The following ARAP2 variants were observed in gnomAD, a reference collection of about 807,000 sequenced individuals.
ARAP2 encodes ArfGAP with RhoGAP domain, ankyrin repeat and PH domain 2, also known as arf-GAP with Rho-GAP domain, ANK repeat and PH domain-containing protein 2.
Under a neutral mutation model 194.5 loss-of-function variants are expected in ARAP2, and 148 were observed. The ratio of observed to expected loss-of-function variants is 0.76; its 90% confidence interval spans 0.67 to 0.87. The LOEUF (loss-of-function observed/expected upper bound fraction) is 0.87, where lower values mean the gene tolerates loss of function less well. Ranked by LOEUF, ARAP2 falls within the 40% of genes least tolerant of loss-of-function variation. The probability of loss-of-function intolerance (pLI) is 0.00; values close to 1 mark genes in which losing one functional copy is unlikely to be tolerated. For missense variants in ARAP2, 2,128 were observed against 1,989.7 expected, an observed-to-expected ratio of 1.07 and a Z score of -1.32; for synonymous variants, 695 against 683.5, an observed-to-expected ratio of 1.02 and a Z score of -0.26.
chr4:36,188,495 T>C (rs2109896495), intron 7 of ARAP2, among the ~76,000 whole-genome samples: 1 of 152,286 alleles, frequency 6.6e-6, no homozygotes, highest in East Asian at 1.9e-4. Context: ...TAAAAAACCT[T>C]AATTTTAACC....
At chr4:36,084,799 G>A (rs1356186136) in intron 28 of ARAP2, among the ~76,000 whole-genome samples, 1 of 151,894 alleles carries the variant, frequency 6.6e-6, no homozygotes, top group Non-Finnish European at 1.5e-5. Context: ...AATTTACATG[G>A]TGAATTTATT....
At chr4:36,198,572 C>T (rs1743670875) in intron 6 of ARAP2, among the ~76,000 whole-genome samples, 1 of 152,232 alleles carries the variant, frequency 6.6e-6, no homozygotes, top group African/African-American at 2.4e-5. Context: ...TGGCTTTCCT[C>T]CCTCCCATGC....
Position 36,228,740 on chromosome 4 carries a change from T to C in ARAP2, c.747A>G (p.Gln249=), listed in dbSNP as rs761082234. ...GSPPSPFFKF[Q]GEMIVNDLYV... ...ACAAGTCATTTACAATCATTTCTCCTTGAAACTTAAAGAATGGGGATGGTG... is the reference window on the plus strand; with the variant it reads ...ACAAGTCATTTACAATCATTTCTCCCTGAAACTTAAAGAATGGGGATGGTG... Residue 249 remains glutamine (Q), a synonymous_variant, in exon 2 of 33, where the codon CAA becomes CAG. Coordinates refer to ENST00000303965, the MANE Select transcript of ARAP2 (RefSeq NM_015230.4). The C allele has an allele frequency of 1.9e-6, 3 of 1,614,158 alleles. No individual in the cohort carries two copies. The South Asian group carries it at 3.3e-5, about 18-fold the overall frequency.
intron 27 of ARAP2, among the ~76,000 whole-genome samples, chr4:36,102,548 G>T (rs1231994345): frequency 6.6e-6 from 1 of 151,926 alleles, no homozygotes; most frequent in East Asian, 1.9e-4. Flanking sequence ...GCATGCACAA[G>T]AAAAACTAAG....
intron 1 of ARAP2, among the ~76,000 whole-genome samples, chr4:36,236,852 T>TA (rs1175980896): frequency 6.6e-6 from 1 of 152,188 alleles, no homozygotes. Flanking sequence ...AGTACCCAGA[T>TA]AAAAAATTCA....
At chr4:36,112,816 G>C (rs1286696600) in intron 26 of ARAP2, among the ~76,000 whole-genome samples, 4 of 151,846 alleles carry the variant, frequency 2.6e-5, no homozygotes, top group Non-Finnish European at 5.9e-5. Context: ...TTTTAGTCTA[G>C]GTTTTAAAAG....
At chr4:36,157,797 TTA>T (rs139585079) in intron 15 of ARAP2, among the ~76,000 whole-genome samples, 7 of 150,974 alleles carry the variant, frequency 4.6e-5, no homozygotes, top group Admixed American at 6.6e-5. Context: ...TTAGGATATA[TTA>T]TATATATATA....
chr4:36,149,584 C>A (rs1715671387), intron 16 of ARAP2, among the ~76,000 whole-genome samples: 1 of 152,128 alleles, frequency 6.6e-6, no homozygotes, highest in Non-Finnish European at 1.5e-5. Flanking sequence ...GTAATGTTAT[C>A]AAGAATATTT....
chr4:36,159,258 C>A (rs906312923), intron 14 of ARAP2, 73 bp downstream of exon 14: 6 of 1,326,040 alleles, frequency 4.5e-6, no homozygotes, highest in Non-Finnish European at 5.9e-6. Context: ...TTTGAAAAAT[C>A]AATAGATTTA....
intron 5 of ARAP2, among the ~76,000 whole-genome samples, chr4:36,044,822 T>C (rs1377638647): frequency 6.6e-6 from 1 of 151,924 alleles, no homozygotes; most frequent in African/African-American, 2.4e-5. Context: ...AAATTCAAAA[T>C]ATTTAACAAA....
intron 8 of ARAP2, among the ~76,000 whole-genome samples, chr4:36,014,551 A>G (rs1383858495): frequency 2.0e-5 from 3 of 152,208 alleles, no homozygotes; most frequent in Admixed American, 2.0e-4. Flanking sequence ...ATAAATTATT[A>G]AAGCAAATAA....
chr4:36,130,544 T>G (rs1293494321), intron 20 of ARAP2, among the ~76,000 whole-genome samples: 1 of 151,894 alleles, frequency 6.6e-6, no homozygotes, highest in Non-Finnish European at 1.5e-5. Context: ...GCTTTACCCA[T>G]GAAGCTCTCT....
intron 31 of ARAP2, among the ~76,000 whole-genome samples, chr4:36,078,807 G>T (rs1233258558): frequency 6.6e-6 from 1 of 152,132 alleles, no homozygotes; most frequent in African/African-American, 2.4e-5. Flanking sequence ...AAATGACACT[G>T]TAACAGCTTT....
At chr4:36,140,508 A>G (rs1180095279) in intron 19 of ARAP2, among the ~76,000 whole-genome samples, 1 of 151,754 alleles carries the variant, frequency 6.6e-6, no homozygotes, top group Non-Finnish European at 1.5e-5. Context: ...ATCATCAGAA[A>G]GTTACAAAAG....
chr4:36,229,332 G>A lies in ARAP2; in HGVS notation c.155C>T (p.Ser52Leu). 7 of 1,614,090 alleles carry A rather than the reference G, an allele frequency of 4.3e-6. No individual in the cohort carries two copies. The highest frequency in any genetic ancestry group is 2.2e-5 in the East Asian group (1 of 44,874). The change falls in exon 2 of 33, where the codon TCA (serine) becomes TTA (leucine). Residue 52 changes from serine to leucine, a missense_variant. Transcript: ENST00000303965. ...NDSLLQKIGI[S>L]PTGHRRRILK... Reference sequence around the variant, plus strand: ...TATCCTCCTACGGTGACCTGTAGGTGATATTCCAATTTTCTGCAGCAGGCT... The same window carrying A: ...TATCCTCCTACGGTGACCTGTAGGTAATATTCCAATTTTCTGCAGCAGGCT...
intron 19 of ARAP2, among the ~76,000 whole-genome samples, chr4:36,138,323 A>G (rs1044956744): frequency 6.6e-6 from 1 of 151,678 alleles, no homozygotes; most frequent in African/African-American, 2.4e-5. Flanking sequence ...TATGTAGACC[A>G]TTTCCATCAC....
chr4:36,012,992 T>C (rs1358612940), intron 8 of ARAP2, among the ~76,000 whole-genome samples: 4 of 152,220 alleles, frequency 2.6e-5, no homozygotes, highest in Non-Finnish European at 5.9e-5. Flanking sequence ...GTAAATATAA[T>C]GCCTTTTGAA....
Position 36,229,459 on chromosome 4 carries a change from C to A in ARAP2, c.28G>T (p.Asp10Tyr). 1 of 1,611,508 alleles carries A rather than the reference C, an allele frequency of 6.2e-7. No individual in the cohort carries two copies. The highest frequency in any genetic ancestry group is 1.1e-5 in the South Asian group (1 of 90,826). ...ATGCTCATTAGGAAATCTTTTATAT[C>A]CACATTTACTTCACTGACTGAGGAC... MSSVSEVNV[D>Y]IKDFLMSINL... Residue 10 changes from aspartate (D) to tyrosine (Y), a missense_variant, in exon 2 of 33, where the codon GAT (aspartate) becomes TAT (tyrosine). Transcript: ENST00000303965.
intron 31 of ARAP2, among the ~76,000 whole-genome samples, chr4:36,079,423 T>C (rs1052795099): frequency 6.6e-6 from 1 of 152,092 alleles, no homozygotes; most frequent in Admixed American, 6.6e-5. Flanking sequence ...ACTTATTTCT[T>C]ATAAGGGAAA....
Sources: gnomAD v4.1 joint callset for allele counts (sites outside exome capture counted in the v4.1 genomes callset) on GRCh38, gnomAD v4.1.1 for gene constraint, MANE v1.5 for transcripts, NCBI Gene and HGNC (gene_info 2026-07-23, HGNC 2026-07-21) for gene names.